ERBB4: variants seen among roughly 807,000 people sequenced by gnomAD.
ERBB4 encodes the protein receptor tyrosine-protein kinase erbB-4.
Under a neutral mutation model 158.0 loss-of-function variants are expected in ERBB4, and 42 were observed. The observed-to-expected ratio is 0.27, with a 90% confidence interval of 0.21 to 0.34. ERBB4 has a LOEUF of 0.34. ERBB4 is among the 10% of genes least tolerant of loss of function. The pLI is 1.00. For synonymous variants in ERBB4, 583 were observed against 558.7 expected, an observed-to-expected ratio of 1.04 and a Z score of -0.61; for missense variants, 1,333 against 1,624.1, an observed-to-expected ratio of 0.82 and a Z score of 3.08.
chr2:211,875,815 T>G (rs768365189), intron 3 of ERBB4, among the ~76,000 whole-genome samples: 1 of 152,204 alleles, frequency 6.6e-6, no homozygotes. Flanking sequence ...TATTTTCTAC[T>G]GTACCTTTTC....
At chr2:211,487,251 G>GT (rs1491000886) in intron 20 of ERBB4, among the ~76,000 whole-genome samples, 2 of 148,916 alleles carry the variant, frequency 1.3e-5, no homozygotes, top group East Asian at 4.0e-4. Context: ...GCGGTGTTTG[G>GT]TTTTTTGTCC....
intron 2 of ERBB4, among the ~76,000 whole-genome samples, chr2:212,051,461 T>C (rs1455016767): frequency 6.6e-6 from 1 of 152,152 alleles, no homozygotes; most frequent in Admixed American, 6.5e-5. Context: ...CTCAAACCTA[T>C]GCATTTAAAG....
chr2:211,754,656 C>T (rs1056304873), intron 4 of ERBB4, among the ~76,000 whole-genome samples: 6 of 149,708 alleles, frequency 4.0e-5, no homozygotes, highest in African/African-American at 1.5e-4. Context: ...ATCCACCCAT[C>T]TAGGCCTACC....
rs1159274288 is a variant in ERBB4, at chr2:211,772,924, C to CATATATATATAT, written c.556+15089_556+15100dup. 2.7e-4 allele frequency among the ~76,000 whole-genome samples: 10 copies of CATATATATATAT among 36,726 alleles called. No homozygotes were observed. In the East Asian group the frequency reaches 4.0e-3, roughly 15 times the overall value. 24.1% of individuals were successfully genotyped at this position (36,726 alleles called of 152,430 possible). On this transcript the variant is annotated intron_variant, in intron 4 of 27. Transcript: ENST00000342788. ...ATATATATATACACACACACACACA[C>CATATATATATAT]ATATATATATATATATATATATATA...
At chr2:211,828,713 A>G (rs989151243) in intron 3 of ERBB4, among the ~76,000 whole-genome samples, 4 of 152,136 alleles carry the variant, frequency 2.6e-5, no homozygotes, top group Admixed American at 2.0e-4. Context: ...TTATTTTACA[A>G]GGATTGAAAA....
chr2:212,219,715 C>T (rs1246269089), intron 1 of ERBB4, among the ~76,000 whole-genome samples: 5 of 151,190 alleles, frequency 3.3e-5, no homozygotes, highest in Non-Finnish European at 4.4e-5. Context: ...GATCATTCAT[C>T]CCTGAAATTA....
At chr2:212,123,508 A>G (rs1289637762) in intron 2 of ERBB4, among the ~76,000 whole-genome samples, 1 of 152,246 alleles carries the variant, frequency 6.6e-6, no homozygotes, top group African/African-American at 2.4e-5. Flanking sequence ...ATAAACAAAG[A>G]CATCAAAATT....
At chr2:211,420,636 C>A (rs1291745683) in intron 24 of ERBB4, 25 bp from the exon 25 acceptor site, 1 of 1,594,752 alleles carries the variant, frequency 6.3e-7, no homozygotes, top group Non-Finnish European at 8.6e-7. Context: ...GCCCATCAGA[C>A]ACAAATATGA....
chr2:211,992,171 T>G (rs2082088393), intron 2 of ERBB4, among the ~76,000 whole-genome samples: 1 of 152,062 alleles, frequency 6.6e-6, no homozygotes, highest in African/African-American at 2.4e-5. Context: ...ATAAACCAAC[T>G]AATGTCTTTT....
chr2:211,854,455 C>T (rs1175318799), intron 3 of ERBB4, among the ~76,000 whole-genome samples: 1 of 152,088 alleles, frequency 6.6e-6, no homozygotes, highest in Non-Finnish European at 1.5e-5. Context: ...ACAGTCAGTG[C>T]TGAGTTCCTT....
chr2:212,188,293 CCTCTT>C (rs2082091580), intron 1 of ERBB4, among the ~76,000 whole-genome samples: 1 of 125,474 alleles, frequency 8.0e-6, no homozygotes, highest in South Asian at 3.2e-4. Flanking sequence ...TCTCTCCCTC[CCTCTT>C]CTCTCCCTCC....
intron 1 of ERBB4, among the ~76,000 whole-genome samples, chr2:212,253,215 G>T (rs2084605643): frequency 6.6e-6 from 1 of 151,992 alleles, no homozygotes; most frequent in South Asian, 2.1e-4. Context: ...ATTAAAAGTT[G>T]TTACAAATTT....
At chr2:211,471,904 G>A (rs2064836056) in intron 20 of ERBB4, among the ~76,000 whole-genome samples, 1 of 152,088 alleles carries the variant, frequency 6.6e-6, no homozygotes, top group Admixed American at 6.6e-5. Flanking sequence ...TGACTCAAGA[G>A]GACGAAGCAA....
chr2:211,541,829 T>G (rs1177838035), intron 20 of ERBB4, among the ~76,000 whole-genome samples: 1 of 152,066 alleles, frequency 6.6e-6, no homozygotes, highest in South Asian at 2.1e-4. Context: ...ACGAGCTCTG[T>G]GCTAAACTTA....
At chr2:212,194,291 T>TACACACACACACACACAC (rs5838307) in intron 1 of ERBB4, among the ~76,000 whole-genome samples, 172 of 148,828 alleles carry the variant, frequency 1.2e-3, no homozygotes, top group African/African-American at 2.8e-3. Context: ...AAATAGTTTA[T>TACACACACACACACACAC]ACACACACAC....
chr2:212,175,607 ATT>A (rs772882128), intron 1 of ERBB4, among the ~76,000 whole-genome samples: 117 of 134,150 alleles, frequency 8.7e-4, no homozygotes, highest in Middle Eastern at 4.0e-3. Context: ...CAGAATATGT[ATT>A]TTTTTTTTTT....
At chr2:212,383,807 T>A (rs1471227951) in intron 1 of ERBB4, among the ~76,000 whole-genome samples, 2 of 151,680 alleles carry the variant, frequency 1.3e-5, no homozygotes, top group African/African-American at 4.8e-5. Context: ...TCGAAGACAA[T>A]TATTCCTACA....
intron 1 of ERBB4, among the ~76,000 whole-genome samples, chr2:212,276,219 A>T (rs1205949853): frequency 2.6e-5 from 4 of 151,744 alleles, no homozygotes; most frequent in African/African-American, 9.7e-5. Context: ...GAATGCCTAG[A>T]ACATAGTAGT....
intron 1 of ERBB4, among the ~76,000 whole-genome samples, chr2:212,165,108 C>G (rs147672744): frequency 6.6e-6 from 1 of 152,026 alleles, no homozygotes; most frequent in African/African-American, 2.4e-5. Flanking sequence ...CTGTCTTGTT[C>G]CTTCATCACC....
Sources: allele counts gnomAD v4.1 joint callset (sites outside exome capture counted in the v4.1 genomes callset), GRCh38; gene constraint gnomAD v4.1.1; transcripts MANE v1.5; gene names NCBI Gene and HGNC (gene_info 2026-07-23, HGNC 2026-07-21).